ERAP1: variants seen among roughly 807,000 people sequenced by gnomAD.
The protein encoded by ERAP1 is adipocyte-derived leucine aminopeptidase.
In ERAP1, 86 loss-of-function variants were observed where a neutral mutation model predicts 103.7. The observed-to-expected ratio is 0.83, with a 90% CI of 0.70 to 0.99. The LOEUF is 0.99. Ranked by LOEUF, ERAP1 falls within the 50% of genes least tolerant of loss-of-function variation. ERAP1 has a pLI of 0.00. For missense variants in ERAP1, 1,009 were observed against 1,128.4 expected (o/e 0.89, Z 1.52); for synonymous variants, 398 against 402.4 (o/e 0.99, Z 0.13).
Position 96,780,517 on chromosome 5 carries a change from A to G in ERAP1, c.2589-13T>C, listed in dbSNP as rs370875375. On this transcript the variant is annotated splice_polypyrimidine_tract_variant and intron_variant, in intron 17 of 18. Transcript: ENST00000443439. ...GCCAAGTTCAAACCTAGAGAGGGAA[A>G]TATTCAAAAACGGGTTGTGAAATAC... The G allele has an allele frequency of 6.3e-6, 10 of 1,597,170 alleles. No homozygotes were observed. The highest frequency in any genetic ancestry group is 1.7e-4 in the Middle Eastern group (1 of 6,010).
At chr5:96,861,402 G>A in the ERAP1 span, among the ~76,000 whole-genome samples, 14 of 152,286 alleles carry the variant, frequency 9.2e-5, no homozygotes, top group African/African-American at 2.2e-4. Context: ...GAGCCCCAGC[G>A]GATCTGAATG....
At chr5:96,821,123 T>A in the ERAP1 span, among the ~76,000 whole-genome samples, 1 of 152,196 alleles carries the variant, frequency 6.6e-6, no homozygotes, top group African/African-American at 2.4e-5. Context: ...AAAGGCAGTC[T>A]GGAGTCAGAA....
the ERAP1 span, among the ~76,000 whole-genome samples, chr5:96,908,751 T>C: frequency 2.0e-5 from 3 of 152,206 alleles, no homozygotes; most frequent in Non-Finnish European, 4.4e-5. Context: ...ATTATCCCCA[T>C]TGTATAAAGA....
the ERAP1 span, among the ~76,000 whole-genome samples, chr5:96,865,194 T>C: frequency 1.1e-4 from 17 of 152,288 alleles, no homozygotes; most frequent in African/African-American, 4.1e-4. Context: ...GAAATTTTTA[T>C]CCATATCATG....
the ERAP1 span, among the ~76,000 whole-genome samples, chr5:96,880,678 C>T: frequency 8.7e-5 from 13 of 149,434 alleles, no homozygotes; most frequent in African/African-American, 3.0e-4. Context: ...ACAGCCATGA[C>T]TCATATCGAA....
At chr5:96,810,813 T>G (rs1269668853), upstream of ERAP1, among the ~76,000 whole-genome samples, 2 of 152,278 alleles carry the variant, frequency 1.3e-5, no homozygotes, top group Non-Finnish European at 2.9e-5. Context: ...TTGATTCAGT[T>G]CTGCTTTCAT....
the ERAP1 span, among the ~76,000 whole-genome samples, chr5:96,871,729 T>C: frequency 2.0e-5 from 3 of 152,254 alleles, no homozygotes; most frequent in Admixed American, 1.3e-4. Context: ...TCTAATATTC[T>C]GTTCCACTTT....
the ERAP1 span, among the ~76,000 whole-genome samples, chr5:96,816,213 T>G: frequency 0.059 from 9,042 of 152,222 alleles, 384 homozygotes; most frequent in Middle Eastern, 0.14. Flanking sequence ...CAGCTGCAGT[T>G]TGTTGATGAC....
the ERAP1 span, among the ~76,000 whole-genome samples, chr5:96,849,747 G>T: frequency 6.6e-6 from 1 of 152,188 alleles, no homozygotes; most frequent in African/African-American, 2.4e-5. Flanking sequence ...TCACAGAAAT[G>T]GAAAAAACAA....
At chr5:96,785,229 T>A (rs30377) in intron 13 of ERAP1, 101,621 of 157,540 alleles carry the variant, frequency 0.65, 33,312 homozygotes, top group African/African-American at 0.71. Flanking sequence ...TAATTCTGTC[T>A]TCACACACTC....
At chr5:96,844,125 G>A in the ERAP1 span, among the ~76,000 whole-genome samples, 1 of 152,080 alleles carries the variant, frequency 6.6e-6, no homozygotes, top group South Asian at 2.1e-4. Context: ...ACCTTGGTGT[G>A]GATGTTTGGT....
chr5:96,856,147 C>A, the ERAP1 span, among the ~76,000 whole-genome samples: 1 of 150,268 alleles, frequency 6.7e-6, no homozygotes, highest in East Asian at 2.0e-4. Context: ...GGTGAAACCC[C>A]GTCTGTATTA....
At chr5:96,767,718 A>T (rs1189104358) in intron 19 of ERAP1, among the ~76,000 whole-genome samples, 1 of 152,196 alleles carries the variant, frequency 6.6e-6, no homozygotes, top group Admixed American at 6.5e-5. Flanking sequence ...TAAAGAGTAG[A>T]TGGAAAAAAA....
chr5:96,845,914 TC>T, the ERAP1 span, among the ~76,000 whole-genome samples: 3 of 152,092 alleles, frequency 2.0e-5, no homozygotes, highest in Non-Finnish European at 4.4e-5. Flanking sequence ...TTTTTGAAGA[TC>T]ATATGTGAAA....
At chr5:96,913,131 T>G in the ERAP1 span, among the ~76,000 whole-genome samples, 6 of 152,198 alleles carry the variant, frequency 3.9e-5, no homozygotes, top group East Asian at 1.2e-3. Flanking sequence ...AGTAAATGTT[T>G]TTGATAGGAA....
the ERAP1 span, among the ~76,000 whole-genome samples, chr5:96,830,109 C>T: frequency 3.5e-4 from 53 of 152,196 alleles, no homozygotes; most frequent in Middle Eastern, 3.4e-3. Context: ...AGGGAGGGAC[C>T]CTGGTAAATA....
the ERAP1 span, among the ~76,000 whole-genome samples, chr5:96,865,504 A>G: frequency 1.3e-5 from 2 of 152,196 alleles, no homozygotes; most frequent in African/African-American, 4.8e-5. Context: ...ACCCAGGTAG[A>G]AATACTTGGT....
At chr5:96,776,849 T>C (rs1018786348) in intron 18 of ERAP1, 3 of 231,846 alleles carry the variant, frequency 1.3e-5, no homozygotes, top group Non-Finnish European at 2.2e-5. Flanking sequence ...TAATGTGTTA[T>C]TCTGTTCTGT....
chr5:96,892,582 C>A, the ERAP1 span: 1 of 1,043,974 alleles, frequency 9.6e-7, no homozygotes, highest in Non-Finnish European at 1.4e-6. Flanking sequence ...ACTACTAAAC[C>A]TAACACAACG....
Sources: allele counts gnomAD v4.1 joint callset (sites outside exome capture counted in the v4.1 genomes callset), GRCh38; gene constraint gnomAD v4.1.1; transcripts MANE v1.5; gene names NCBI Gene and HGNC (gene_info 2026-07-23, HGNC 2026-07-21).